GIPC2: variants seen among roughly 807,000 people sequenced by gnomAD.
GIPC2 encodes GIPC PDZ domain containing family member 2.
Under a neutral mutation model 30.6 loss-of-function variants are expected in GIPC2, and 30 were observed. The observed-to-expected ratio is 0.98, with a 90% CI of 0.73 to 1.33. The LOEUF (loss-of-function observed/expected upper bound fraction) is 1.33, where lower values mean the gene tolerates loss of function less well. GIPC2 is among the 40% of genes most tolerant of loss of function. GIPC2 has a pLI of 0.00. For missense variants in GIPC2, 414 were observed against 390.3 expected (o/e 1.06, Z -0.51); for synonymous variants, 167 against 150.0 (o/e 1.11, Z -0.83).
chr1:78,092,075 C>T (rs564023436), intron 2 of GIPC2: 30 of 1,483,038 alleles, frequency 2.0e-5, no homozygotes, highest in Non-Finnish European at 2.8e-5. Context: ...AGCTTCACCC[C>T]CCGGCTTTGT....
chr1:78,066,427 C>T (rs1480308857), intron 1 of GIPC2, among the ~76,000 whole-genome samples: 1 of 152,186 alleles, frequency 6.6e-6, no homozygotes, highest in Non-Finnish European at 1.5e-5. Context: ...CATTTAAACA[C>T]TGTTGGTGGG....
At chr1:78,104,964 C>G (rs1215938622) in intron 3 of GIPC2, among the ~76,000 whole-genome samples, 2 of 152,158 alleles carry the variant, frequency 1.3e-5, no homozygotes, top group Non-Finnish European at 2.9e-5. Context: ...TCTAGCTACA[C>G]TTTGGCTTAG....
At chr1:78,088,246 G>T (rs1308346883) in intron 2 of GIPC2, among the ~76,000 whole-genome samples, 1 of 152,222 alleles carries the variant, frequency 6.6e-6, no homozygotes, top group Non-Finnish European at 1.5e-5. Context: ...TCCCATTACT[G>T]GGTGTATACC....
chr1:78,049,427 C>T (rs946871786), intron 1 of GIPC2, among the ~76,000 whole-genome samples: 2 of 152,070 alleles, frequency 1.3e-5, no homozygotes, highest in East Asian at 3.9e-4. Flanking sequence ...TCCCAAAGTG[C>T]GTGAACCACC....
chr1:78,083,716 T>C (rs1661873964), intron 2 of GIPC2, among the ~76,000 whole-genome samples: 1 of 152,224 alleles, frequency 6.6e-6, no homozygotes, highest in African/African-American at 2.4e-5. Flanking sequence ...CATGACTTCG[T>C]GTTTTACTGA....
At position 78,099,836 on chromosome 1, in the gene GIPC2, G is replaced by A. The variant is rs1408617365; in HGVS notation, c.607+4704G>A. Among the ~76,000 whole-genome samples the A allele has an allele frequency of 4.0e-5, 6 of 151,692 alleles. No homozygotes were observed. In the South Asian group the frequency reaches 1.0e-3, roughly 26 times the overall value. On this transcript the variant is annotated intron_variant, in intron 3 of 5. Transcript: ENST00000370759. ...TGGGGAAGGTTGTCCTAGGAAGTGG[G>A]AACAGAATAAGCAAAGTTACAGAGG...
chr1:78,103,403 T>C (rs1662286250), intron 3 of GIPC2, among the ~76,000 whole-genome samples: 1 of 152,196 alleles, frequency 6.6e-6, no homozygotes, highest in African/African-American at 2.4e-5. Flanking sequence ...ACCCATAAAG[T>C]ATTTTGAGGA....
chr1:78,084,312 G>A (rs1464035794), intron 2 of GIPC2, among the ~76,000 whole-genome samples: 1 of 152,034 alleles, frequency 6.6e-6, no homozygotes, highest in African/African-American at 2.4e-5. Flanking sequence ...CCAGGAGTTC[G>A]AGACCAACCT....
intron 4 of GIPC2, among the ~76,000 whole-genome samples, chr1:78,122,810 AAAG>A (rs1215759885): frequency 1.3e-5 from 2 of 152,200 alleles, no homozygotes; most frequent in Admixed American, 6.5e-5. Flanking sequence ...CTGGTGATAC[AAAG>A]AAGAATAAAA....
intron 5 of GIPC2, among the ~76,000 whole-genome samples, chr1:78,128,562 G>T (rs146696900): frequency 3.3e-4 from 50 of 152,332 alleles, no homozygotes; most frequent in African/African-American, 1.2e-3. Context: ...TCGTACAACA[G>T]TCTAGACTGT....
At chr1:78,100,963 CACACACACACACACACACAT>C (rs1662238749) in intron 3 of GIPC2, among the ~76,000 whole-genome samples, 1 of 150,112 alleles carries the variant, frequency 6.7e-6, no homozygotes, top group Non-Finnish European at 1.5e-5. Context: ...CACACACACA[CACACACACACACACACACAT>C]ACACACGAGG....
intron 1 of GIPC2, among the ~76,000 whole-genome samples, chr1:78,071,972 C>T (rs1661627963): frequency 6.6e-6 from 1 of 152,114 alleles, no homozygotes; most frequent in African/African-American, 2.4e-5. Flanking sequence ...ACTTAGATGT[C>T]CCCACACAGA....
chr1:78,120,558 C>A (rs990236426), intron 4 of GIPC2, among the ~76,000 whole-genome samples: 1 of 152,120 alleles, frequency 6.6e-6, no homozygotes, highest in Non-Finnish European at 1.5e-5. Flanking sequence ...CTAATAAAGA[C>A]ATACTTGAGA....
chr1:78,104,931 G>A (rs1662316687), intron 3 of GIPC2, among the ~76,000 whole-genome samples: 4 of 152,296 alleles, frequency 2.6e-5, no homozygotes, highest in Middle Eastern at 3.4e-3. Context: ...TTATGTAGTA[G>A]AGTTTTTCCT....
rs1557556304 is a variant in GIPC2 at position 78,136,980 on chromosome 1, C to A, written c.*1237C>A. ...AATAATAACCTGTTAGGGATGTATT[C>A]TAGGAAATCAGAAGTAGTTCTCTTT... is the stretch of plus-strand genomic sequence containing the variant. On this transcript the variant is annotated 3_prime_UTR_variant, in exon 6 of 6. Transcript: ENST00000370759. The A allele has an allele frequency of 6.6e-6, 1 of 152,068 alleles. No individual in the cohort carries two copies. The highest frequency in any genetic ancestry group is 1.5e-5 in the Non-Finnish European group (1 of 67,982). The allele number at this position is 152,068 out of a possible 1,614,324, so 9.4% of individuals were successfully genotyped here.
chr1:78,095,665 C>T (rs1377335753), intron 3 of GIPC2, among the ~76,000 whole-genome samples: 1 of 152,150 alleles, frequency 6.6e-6, no homozygotes, highest in East Asian at 1.9e-4. Context: ...GACATCTGTA[C>T]TTGCTTGGTT....
chr1:78,045,899 G>T, upstream of GIPC2: 2 of 1,344,052 alleles, frequency 1.5e-6, no homozygotes, highest in Admixed American at 4.0e-5. Context: ...CATCCCGGGG[G>T]AGGCTGGGCG....
intron 3 of GIPC2, among the ~76,000 whole-genome samples, chr1:78,104,543 A>G (rs1662308656): frequency 6.6e-6 from 1 of 152,192 alleles, no homozygotes; most frequent in Admixed American, 6.5e-5. Flanking sequence ...ACAGTTCAGG[A>G]GGAAATGATC....
At chr1:78,129,869 C>G (rs1372902866) in intron 5 of GIPC2, among the ~76,000 whole-genome samples, 2 of 152,072 alleles carry the variant, frequency 1.3e-5, no homozygotes, top group Non-Finnish European at 2.9e-5. Flanking sequence ...ATCCAAGCAA[C>G]TTCAGAATTT....
Sources: gnomAD v4.1 joint callset for allele counts (sites outside exome capture counted in the v4.1 genomes callset) on GRCh38, gnomAD v4.1.1 for gene constraint, MANE v1.5 for transcripts, NCBI Gene and HGNC (gene_info 2026-07-23, HGNC 2026-07-21) for gene names.